RPH3AL: variants seen among roughly 807,000 people sequenced by gnomAD.
The protein encoded by RPH3AL is rabphilin 3A like (without C2 domains).
RPH3AL carries 38 observed loss-of-function variants against 43.1 expected under a neutral mutation model. The ratio of observed to expected loss-of-function variants is 0.88; its 90% CI spans 0.68 to 1.15. The LOEUF is 1.15. Ranked by LOEUF, RPH3AL falls within the 50% of genes most tolerant of loss-of-function variation. The pLI, the probability that RPH3AL is intolerant of heterozygous loss-of-function variation, is 0.00. For synonymous variants in RPH3AL, 189 were observed against 176.3 expected (o/e 1.07, Z -0.57); for missense variants, 462 against 423.2 (o/e 1.09, Z -0.81).
chr17:285,490 C>T (rs74942606), intron 5 of RPH3AL, among the ~76,000 whole-genome samples: 1,813 of 152,306 alleles, frequency 0.012, 36 homozygotes, highest in African/African-American at 0.041. Context: ...AGTGCAGCCC[C>T]TCGTACCGTG....
At chr17:311,354 C>T (rs1489238816) in intron 5 of RPH3AL, among the ~76,000 whole-genome samples, 1 of 152,238 alleles carries the variant, frequency 6.6e-6, no homozygotes, top group Admixed American at 6.5e-5. Context: ...ACTTGCCCAG[C>T]CCGTTTCCAG....
intron 6 of RPH3AL, among the ~76,000 whole-genome samples, chr17:262,268 G>T (rs1383601177): frequency 6.6e-6 from 1 of 152,072 alleles, no homozygotes; most frequent in African/African-American, 2.4e-5. Context: ...ACCCAGGCTG[G>T]AGTGCAGCGG....
At chr17:243,036 A>ATACCTTCCTCTATTGAT (rs1567577325) in intron 7 of RPH3AL, among the ~76,000 whole-genome samples, 1 of 70,418 alleles carries the variant, frequency 1.4e-5, no homozygotes, top group African/African-American at 5.2e-5. Flanking sequence ...CCTCTATTGA[A>ATACCTTCCTCTATTGAT]TACCATCCTC....
intron 6 of RPH3AL, among the ~76,000 whole-genome samples, chr17:262,180 A>C (rs2042210442): frequency 6.6e-6 from 1 of 152,144 alleles, no homozygotes; most frequent in Non-Finnish European, 1.5e-5. Context: ...TCGTTATAAA[A>C]ATGTGATCCT....
chr17:346,479 G>A lies in RPH3AL; in HGVS notation c.-213+6233C>T, dbSNP rs141545164. On this transcript the variant is annotated intron_variant, in intron 1 of 9. Coordinates refer to ENST00000331302, the MANE Select transcript of RPH3AL (RefSeq NM_006987.4). ...ACGGCAGCAGGCAAAGAGAGAGCTTGTGCAGGAAAACTCCCCCTTACAGAA... is the reference window on the plus strand; with the variant it reads ...ACGGCAGCAGGCAAAGAGAGAGCTTATGCAGGAAAACTCCCCCTTACAGAA... 7.4e-3 allele frequency among the ~76,000 whole-genome samples: 994 copies of A among 134,548 alleles called. 190 individuals are homozygous for A. Among genetic ancestry groups the A allele is most frequent in the Admixed American group, 0.059 (813 of 13,874 alleles). The allele number at this position is 134,548 out of a possible 152,430, so 88.3% of individuals were successfully genotyped here.
At chr17:286,118 CAG>C (rs1431083696) in intron 5 of RPH3AL, among the ~76,000 whole-genome samples, 1 of 152,228 alleles carries the variant, frequency 6.6e-6, no homozygotes, top group Non-Finnish European at 1.5e-5. Context: ...ACTGATGAAA[CAG>C]TGCCGTGGGG....
chr17:257,415 CATCCCTA>C (rs1555544705), intron 6 of RPH3AL, among the ~76,000 whole-genome samples: 2 of 12,348 alleles, frequency 1.6e-4, no homozygotes, highest in Non-Finnish European at 6.4e-4. Context: ...TGTCCTTTTC[CATCCCTA>C]GGAACGTGAC....
At chr17:332,037 G>C (rs373377057) in intron 2 of RPH3AL, 5 of 425,190 alleles carry the variant, frequency 1.2e-5, no homozygotes, top group Admixed American at 9.8e-5. Flanking sequence ...GTGGAGCTCT[G>C]GGGGGAGCAG....
At chr17:249,094 C>A (rs781976604) in intron 6 of RPH3AL, among the ~76,000 whole-genome samples, 1 of 152,106 alleles carries the variant, frequency 6.6e-6, no homozygotes, top group East Asian at 1.9e-4. Flanking sequence ...GAGTTAAGGT[C>A]CCTAAATTTG....
At chr17:243,235 CCTCTATTGATTACCTTT>C (rs1555537970) in intron 7 of RPH3AL, among the ~76,000 whole-genome samples, 9 of 143,904 alleles carry the variant, frequency 6.3e-5, no homozygotes, top group Admixed American at 1.4e-4. Context: ...TGACTACCTT[CCTCTATTGATTACCTTT>C]CTCTATTGAT....
intron 6 of RPH3AL, among the ~76,000 whole-genome samples, chr17:257,160 G>A (rs1472354168): frequency 1.5e-3 from 87 of 57,122 alleles, no homozygotes; most frequent in African/African-American, 1.6e-3. Context: ...CCCTAGGAAT[G>A]TGACTACCCT....
intron 7 of RPH3AL, among the ~76,000 whole-genome samples, chr17:238,040 G>C (rs2041441864): frequency 6.6e-6 from 1 of 152,124 alleles, no homozygotes; most frequent in Admixed American, 6.6e-5. Context: ...TTGGGAGGCA[G>C]AGGTGGGAGG....
chr17:340,258 T>C (rs2045075232), intron 1 of RPH3AL, among the ~76,000 whole-genome samples: 1 of 152,052 alleles, frequency 6.6e-6, no homozygotes, highest in South Asian at 2.1e-4. Flanking sequence ...TGGGAGTTCA[T>C]GGCCATCCAC....
chr17:316,348 T>C (rs1598107359), intron 5 of RPH3AL, among the ~76,000 whole-genome samples: 1 of 148,154 alleles, frequency 6.7e-6, no homozygotes, highest in Non-Finnish European at 1.5e-5. Context: ...TGACCTGTAG[T>C]CTCTGTGCTC....
chr17:331,215 C>T (rs952802338), intron 2 of RPH3AL: 1 of 55,524 alleles, frequency 1.8e-5, no homozygotes, highest in African/African-American at 5.7e-5. Flanking sequence ...CTACATGTCC[C>T]CACCCCTCTC....
At chr17:342,156 T>TGA (rs1370226471) in intron 1 of RPH3AL, among the ~76,000 whole-genome samples, 1 of 152,060 alleles carries the variant, frequency 6.6e-6, no homozygotes, top group African/African-American at 2.4e-5. Flanking sequence ...AAAACCACCA[T>TGA]GAGATACCAC....
chr17:226,091 T>G (rs1445818667), intron 7 of RPH3AL, among the ~76,000 whole-genome samples: 1 of 152,220 alleles, frequency 6.6e-6, no homozygotes, highest in African/African-American at 2.4e-5. Context: ...GGAGTTAGGG[T>G]CAGGGTGCCA....
At chr17:219,169 TGG>T (rs2040885856) in intron 8 of RPH3AL, among the ~76,000 whole-genome samples, 1 of 139,124 alleles carries the variant, frequency 7.2e-6, no homozygotes, top group Admixed American at 7.5e-5. Context: ...ACTCTGTCCC[TGG>T]GGCTTTGGAA....
rs761805682 is a variant in RPH3AL, at chr17:245,207, G to A, written c.613+1904C>T. Among the ~76,000 whole-genome samples the A allele has an allele frequency of 6.6e-5, 10 of 151,472 alleles. No homozygotes were observed. The highest frequency in any genetic ancestry group is 9.7e-5 in the African/African-American group (4 of 41,222). On this transcript the variant is annotated intron_variant, in intron 7 of 9. Coordinates refer to ENST00000331302, the MANE Select transcript of RPH3AL (RefSeq NM_006987.4). The surrounding 1 kb of genome is among the most constrained non-coding windows in gnomAD (Gnocchi z 5.9). The stretch of plus-strand genomic sequence containing the variant: ...GATGTCTGTGTGTGTGGATGTGAGC[G>A]TGTGTGTCCATGTGGATGTGTGTGT...
Sources: allele counts gnomAD v4.1 joint callset (sites outside exome capture counted in the v4.1 genomes callset), GRCh38; gene constraint gnomAD v4.1.1; non-coding constraint Gnocchi (gnomAD v3.1); transcripts MANE v1.5; gene names NCBI Gene and HGNC (gene_info 2026-07-23, HGNC 2026-07-21).